Variants in ANK2 observed in about 807,000 individuals in gnomAD.
ANK2 encodes ankyrin-2.
Under a neutral mutation model 360.5 loss-of-function variants are expected in ANK2, and 83 were observed. That is an observed-to-expected ratio of 0.23 (90% CI 0.19 to 0.28). The LOEUF (loss-of-function observed/expected upper bound fraction) is 0.28, where lower values mean the gene tolerates loss of function less well. Ranked by LOEUF, ANK2 falls within the 10% of genes least tolerant of loss-of-function variation. ANK2 has a pLI of 1.00. For missense variants in ANK2, 4,201 were observed against 4,795.7 expected (o/e 0.88, Z 3.66); for synonymous variants, 1,740 against 1,759.5 (o/e 0.99, Z 0.28).
the ANK2 span, among the ~76,000 whole-genome samples, chr4:112,751,422 C>T: frequency 2.6e-5 from 4 of 152,202 alleles, no homozygotes; most frequent in African/African-American, 9.7e-5. Context: ...ATATGTAAAT[C>T]CATGAGGTTA....
rs2079827735 is a variant in ANK2 at position 113,311,286 on chromosome 4, A to G, written c.2580A>G (p.Glu860=). 2 of 1,614,052 alleles carry G rather than the reference A, an allele frequency of 1.2e-6. No individual in the cohort carries two copies. The highest frequency in any genetic ancestry group is 1.3e-5 in the African/African-American group (1 of 74,926). ...GDDTMTGDGG[E]YLRPEDLKEL... is the part of the protein sequence containing the mutation. ...ACACAATGACTGGTGATGGGGGAGAATACCTTAGGCCTGAGGACCTAAAAG... is the reference window on the plus strand; with the variant it reads ...ACACAATGACTGGTGATGGGGGAGAGTACCTTAGGCCTGAGGACCTAAAAG... Residue 860 remains glutamate (E), a synonymous_variant, in exon 24 of 46, where the codon GAA becomes GAG. Coordinates refer to ENST00000357077, the MANE Select transcript of ANK2 (RefSeq NM_001148.6).
At chr4:112,843,302 G>A (rs2062561908) in intron 1 of ANK2, among the ~76,000 whole-genome samples, 1 of 152,134 alleles carries the variant, frequency 6.6e-6, no homozygotes, top group Admixed American at 6.5e-5. Context: ...TATTAAATTA[G>A]CACTTCTTCC....
chr4:113,356,885 A>G lies in ANK2; in HGVS notation c.8267A>G (p.Asp2756Gly). The G allele has an allele frequency of 6.2e-7, 1 of 1,614,080 alleles. No homozygotes were observed. ...DRHAVSTEAE[D>G]RSYDKLNRDT... The stretch of plus-strand genomic sequence containing the variant: ...CATGCTGTTTCCACTGAGGCTGAAG[A>G]CAGGTCTTATGATAAGCTAAACAGA... The change falls in exon 38 of 46, where the codon GAC (aspartate) becomes GGC (glycine). Residue 2756 changes from aspartate (D) to glycine (G), a missense_variant. Around this residue, in one of 4 missense-constraint regions of ANK2, gnomAD observed 2,642 missense variants for 2,714.5 expected, o/e 0.97. Transcript: ENST00000357077.
At chr4:112,904,464 G>T in exon 2 of ANK2, 1 of 1,482,090 alleles carries the variant, frequency 6.7e-7, no homozygotes, top group South Asian at 1.3e-5. Flanking sequence ...GGTAAGTAAT[G>T]AAAAGAGACA....
the ANK2 span, among the ~76,000 whole-genome samples, chr4:112,785,883 C>G: frequency 6.6e-6 from 1 of 152,148 alleles, no homozygotes; most frequent in African/African-American, 2.4e-5. Flanking sequence ...CTTTGTTGCC[C>G]AGGCTGGAGT....
chr4:112,788,278 G>T, the ANK2 span: 2 of 1,578,584 alleles, frequency 1.3e-6, no homozygotes, highest in Non-Finnish European at 1.7e-6. Context: ...GTGTGAAGGC[G>T]ACAGTGGTGC....
At chr4:112,806,422 A>G in the ANK2 span, among the ~76,000 whole-genome samples, 1 of 152,206 alleles carries the variant, frequency 6.6e-6, no homozygotes, top group Non-Finnish European at 1.5e-5. Context: ...CTGTGTGTAT[A>G]TATACTACAT....
At chr4:113,297,948 C>A (rs1230033314) in intron 22 of ANK2, among the ~76,000 whole-genome samples, 1 of 151,904 alleles carries the variant, frequency 6.6e-6, no homozygotes, top group African/African-American at 2.4e-5. Flanking sequence ...CCACTCCTGG[C>A]TAATTTTTGT....
At chr4:112,836,161 C>T (rs2060943421) in intron 1 of ANK2, among the ~76,000 whole-genome samples, 2 of 152,114 alleles carry the variant, frequency 1.3e-5, no homozygotes, top group Middle Eastern at 3.2e-3. Context: ...GGGCAGTTTC[C>T]TCCATGCTGT....
chr4:113,256,080 T>C (rs1265808208), intron 11 of ANK2, 148 bp downstream of exon 11: 1 of 962,178 alleles, frequency 1.0e-6, no homozygotes, highest in Non-Finnish European at 1.6e-6. Context: ...TCAGCCTGTG[T>C]ACTTCATACA....
At chr4:113,321,833 A>G (rs1360936374) in intron 26 of ANK2, among the ~76,000 whole-genome samples, 5 of 152,154 alleles carry the variant, frequency 3.3e-5, no homozygotes, top group Non-Finnish European at 5.9e-5. Flanking sequence ...CCCGGGTTCA[A>G]GTGATTCTCC....
At chr4:113,048,430 A>AT (rs61689467), upstream of ANK2, among the ~76,000 whole-genome samples, 75,928 of 129,550 alleles carry the variant, frequency 0.59, 22,926 homozygotes, top group East Asian at 0.69. Context: ...CACCTGGCTA[A>AT]TTTTTTTTTT....
At chr4:112,905,081 T>C (rs1274888518) in intron 2 of ANK2, among the ~76,000 whole-genome samples, 1 of 152,200 alleles carries the variant, frequency 6.6e-6, no homozygotes, top group Non-Finnish European at 1.5e-5. Flanking sequence ...ATTCTTAGTC[T>C]ATTTATATCG....
chr4:112,903,207 C>T (rs144576458), intron 1 of ANK2, among the ~76,000 whole-genome samples: 49 of 152,342 alleles, frequency 3.2e-4, no homozygotes, highest in African/African-American at 1.2e-3. Flanking sequence ...ATTTGCGTCT[C>T]TGACGAGTTT....
At chr4:113,270,351 C>A (rs2058036763) in intron 14 of ANK2, among the ~76,000 whole-genome samples, 1 of 152,082 alleles carries the variant, frequency 6.6e-6, no homozygotes, top group Non-Finnish European at 1.5e-5. Context: ...AACCTTTTAT[C>A]TTTTTGGATA....
At chr4:112,768,893 A>G in the ANK2 span, among the ~76,000 whole-genome samples, 17 of 152,238 alleles carry the variant, frequency 1.1e-4, no homozygotes, top group Admixed American at 8.5e-4. Context: ...CAAAAAGTAT[A>G]TCAAAAGAGA....
At chr4:113,372,356 C>T (rs990621304) in intron 43 of ANK2, among the ~76,000 whole-genome samples, 1 of 152,062 alleles carries the variant, frequency 6.6e-6, no homozygotes, top group Admixed American at 6.5e-5. Context: ...AAAACCAAAA[C>T]ACTCTATTTT....
rs537127775 is a variant in ANK2 at position 113,381,426 on chromosome 4, G to A, written c.11860-31G>A. The A allele has an allele frequency of 2.7e-4, 433 of 1,613,774 alleles. 1 individual carries two copies. In the South Asian group the frequency reaches 4.3e-3, roughly 16 times the overall value. On this transcript the variant is annotated intron_variant, in intron 45 of 45. Coordinates refer to ENST00000357077, the MANE Select transcript of ANK2 (RefSeq NM_001148.6). ...CAGCTGCCCTCTGGCAGTGAAAAGA[G>A]CGTAATTCTCTCTTGTCTGCTTTTC...
At chr4:112,964,722 A>G (rs1285268671) in intron 2 of ANK2, among the ~76,000 whole-genome samples, 2 of 151,856 alleles carry the variant, frequency 1.3e-5, no homozygotes, top group Non-Finnish European at 2.9e-5. Context: ...GGCGCCCGCC[A>G]CCACGCCTGG....
Sources: gnomAD v4.1 joint callset for allele counts (sites outside exome capture counted in the v4.1 genomes callset) on GRCh38, gnomAD v4.1.1 for gene constraint, gnomAD v4.1.1 regional missense constraint, MANE v1.5 for transcripts, NCBI Gene and HGNC (gene_info 2026-07-23, HGNC 2026-07-21) for gene names.